The following PTPRD variants were observed in gnomAD, a reference collection of about 807,000 sequenced individuals.
PTPRD encodes the protein receptor-type tyrosine-protein phosphatase delta.
Under a neutral mutation model 214.5 loss-of-function variants are expected in PTPRD, and 34 were observed. The ratio of observed to expected loss-of-function variants is 0.16; its 90% confidence interval spans 0.12 to 0.21. The LOEUF is 0.21. Ranked by LOEUF, PTPRD falls within the 10% of genes least tolerant of loss-of-function variation. The pLI is 1.00. For missense variants in PTPRD, 2,545 were observed against 2,398.7 expected, an observed-to-expected ratio of 1.06 and a Z score of -1.27; for synonymous variants, 1,128 against 845.7, an observed-to-expected ratio of 1.33 and a Z score of -5.79.
intron 2 of PTPRD, among the ~76,000 whole-genome samples, chr9:10,358,343 T>A (rs2097315237): frequency 6.6e-6 from 1 of 152,010 alleles, no homozygotes; most frequent in Admixed American, 6.6e-5. Context: ...TATTTGGGAA[T>A]AAAGATAGCA....
intron 4 of PTPRD, among the ~76,000 whole-genome samples, chr9:9,944,037 T>C (rs1330290908): frequency 6.6e-6 from 1 of 152,170 alleles, no homozygotes; most frequent in Non-Finnish European, 1.5e-5. Context: ...AAGGCTTTAG[T>C]CTTCTTTTCT....
At chr9:8,455,502 C>T (rs572363397) in intron 33 of PTPRD, among the ~76,000 whole-genome samples, 1 of 152,186 alleles carries the variant, frequency 6.6e-6, no homozygotes, top group East Asian at 1.9e-4. Context: ...TCAGTGAGTT[C>T]CCAGTTGCAA....
intron 2 of PTPRD, among the ~76,000 whole-genome samples, chr9:10,430,890 T>A (rs2098671160): frequency 6.6e-6 from 1 of 152,048 alleles, no homozygotes; most frequent in East Asian, 1.9e-4. Context: ...AAAGAAAAGT[T>A]CAAAATGCTT....
At chr9:9,021,429 C>T (rs1014918792) in intron 10 of PTPRD, among the ~76,000 whole-genome samples, 1 of 152,174 alleles carries the variant, frequency 6.6e-6, no homozygotes, top group Non-Finnish European at 1.5e-5. Flanking sequence ...GGCATTAGTA[C>T]TTGATAATAA....
intron 8 of PTPRD, among the ~76,000 whole-genome samples, chr9:9,568,545 G>A (rs1563747349): frequency 6.6e-6 from 1 of 151,940 alleles, no homozygotes; most frequent in South Asian, 2.1e-4. Flanking sequence ...GAACAGTTTT[G>A]ATATTAACCA....
chr9:9,805,617 T>A (rs1425402147), intron 5 of PTPRD, among the ~76,000 whole-genome samples: 1 of 152,206 alleles, frequency 6.6e-6, no homozygotes, highest in Non-Finnish European at 1.5e-5. Context: ...TGAGATTTCT[T>A]AAAGTACACT....
chr9:8,348,665 A>G (rs2074538691), intron 39 of PTPRD, among the ~76,000 whole-genome samples: 1 of 152,108 alleles, frequency 6.6e-6, no homozygotes, highest in African/African-American at 2.4e-5. Context: ...CCCTCAGGTA[A>G]TATTTTCATT....
At chr9:9,617,142 AG>A in intron 7 of PTPRD, among the ~76,000 whole-genome samples, 1 of 152,272 alleles carries the variant, frequency 6.6e-6, no homozygotes, top group African/African-American at 2.4e-5. Context: ...TTATTCTGGG[AG>A]TTTTATATTT....
At chr9:10,282,018 T>G (rs1367905125) in intron 3 of PTPRD, among the ~76,000 whole-genome samples, 2 of 151,868 alleles carry the variant, frequency 1.3e-5, no homozygotes, top group Non-Finnish European at 2.9e-5. Context: ...AAGTAAGCCT[T>G]TGATGAAAGC....
At chr9:9,905,842 A>G (rs1009751022) in intron 5 of PTPRD, among the ~76,000 whole-genome samples, 1 of 152,062 alleles carries the variant, frequency 6.6e-6, no homozygotes, top group Non-Finnish European at 1.5e-5. Context: ...TAAACAGAAC[A>G]TAGGGGCCTA....
chr9:9,764,833 G>A (rs978153075), intron 6 of PTPRD, among the ~76,000 whole-genome samples: 4 of 152,116 alleles, frequency 2.6e-5, no homozygotes, highest in African/African-American at 9.7e-5. Context: ...GCCTCACAGT[G>A]TAATAACACC....
At chr9:9,472,653 G>A (rs1232525954) in intron 8 of PTPRD, among the ~76,000 whole-genome samples, 2 of 152,138 alleles carry the variant, frequency 1.3e-5, no homozygotes, top group Non-Finnish European at 2.9e-5. Flanking sequence ...AATGCTTGCT[G>A]TGACCAGTTA....
At chr9:8,703,780 T>A (rs73427537) in intron 12 of PTPRD, among the ~76,000 whole-genome samples, 66 of 152,292 alleles carry the variant, frequency 4.3e-4, no homozygotes, top group African/African-American at 1.5e-3. Context: ...CCAGCCCAGT[T>A]TTCTGAGTTC....
At chr9:9,661,563 T>C (rs1351727145) in intron 7 of PTPRD, among the ~76,000 whole-genome samples, 1 of 151,842 alleles carries the variant, frequency 6.6e-6, no homozygotes, top group Non-Finnish European at 1.5e-5. Flanking sequence ...ACTCTACCTA[T>C]ACAGAATTTT....
intron 3 of PTPRD, among the ~76,000 whole-genome samples, chr9:10,231,987 A>T (rs140009977): frequency 0.21 from 19,543 of 95,012 alleles, 1,519 homozygotes; most frequent in East Asian, 0.29. Flanking sequence ...AGAGAGAGAG[A>T]GAGTGTGTGT....
At chr9:8,508,139 A>G (rs2097579104) in intron 21 of PTPRD, among the ~76,000 whole-genome samples, 1 of 152,228 alleles carries the variant, frequency 6.6e-6, no homozygotes, top group African/African-American at 2.4e-5. Context: ...AAAATTAAGA[A>G]GTTTATAGGA....
intron 10 of PTPRD, among the ~76,000 whole-genome samples, chr9:9,081,573 C>A (rs1311131392): frequency 6.6e-6 from 1 of 152,054 alleles, no homozygotes; most frequent in African/African-American, 2.4e-5. Flanking sequence ...TCTCGTTGAT[C>A]TATCTAATAC....
intron 2 of PTPRD, among the ~76,000 whole-genome samples, chr9:10,378,091 G>A (rs1317483695): frequency 2.0e-5 from 3 of 151,902 alleles, no homozygotes; most frequent in Non-Finnish European, 1.5e-5. Context: ...CCTGTCTTTT[G>A]GATATAAGCA....
At chr9:9,054,074 A>T (rs535204040) in intron 10 of PTPRD, among the ~76,000 whole-genome samples, 1 of 152,288 alleles carries the variant, frequency 6.6e-6, no homozygotes, top group African/African-American at 2.4e-5. Context: ...CATATCATGT[A>T]TTGAGCTCCT....
Sources: gnomAD v4.1 joint callset for allele counts (sites outside exome capture counted in the v4.1 genomes callset) on GRCh38, gnomAD v4.1.1 for gene constraint, MANE v1.5 for transcripts, NCBI Gene and HGNC (gene_info 2026-07-23, HGNC 2026-07-21) for gene names.